Variants in MLLT3 observed in about 807,000 individuals in gnomAD.
The protein encoded by MLLT3 is protein AF-9.
Under a neutral mutation model 53.2 loss-of-function variants are expected in MLLT3, and 4 were observed. The ratio of observed to expected loss-of-function variants is 0.08; its 90% CI spans 0.04 to 0.17. The LOEUF is 0.17. Ranked by LOEUF, MLLT3 falls within the 10% of genes least tolerant of loss-of-function variation. The pLI, the probability that MLLT3 is intolerant of heterozygous loss-of-function variation, is 1.00. For synonymous variants in MLLT3, 283 were observed against 230.6 expected (o/e 1.23, Z -2.06); for missense variants, 569 against 684.0 (o/e 0.83, Z 1.87).
chr9:20,435,004 C>T (rs952109760), intron 4 of MLLT3, among the ~76,000 whole-genome samples: 1 of 152,040 alleles, frequency 6.6e-6, no homozygotes, highest in African/African-American at 2.4e-5. Context: ...CACAAAAGAT[C>T]AGCATTCTTA....
intron 2 of MLLT3, among the ~76,000 whole-genome samples, chr9:20,486,437 T>C (rs1563781984): frequency 6.6e-6 from 1 of 152,088 alleles, no homozygotes; most frequent in Non-Finnish European, 1.5e-5. Flanking sequence ...ACTGAAATGG[T>C]ACACTATCAC....
chr9:20,408,052 C>T (rs186971263), intron 5 of MLLT3, among the ~76,000 whole-genome samples: 85 of 152,246 alleles, frequency 5.6e-4, no homozygotes, highest in African/African-American at 1.9e-3. Flanking sequence ...AGAAGGCTCA[C>T]AGAATTTATT....
At chr9:20,423,002 T>C (rs1206027668) in intron 4 of MLLT3, among the ~76,000 whole-genome samples, 1 of 152,208 alleles carries the variant, frequency 6.6e-6, no homozygotes, top group Non-Finnish European at 1.5e-5. Flanking sequence ...CGAATATCAA[T>C]GTGCCCAAAG....
At chr9:20,557,034 A>G (rs181165274) in intron 2 of MLLT3, among the ~76,000 whole-genome samples, 6 of 152,232 alleles carry the variant, frequency 3.9e-5, no homozygotes, top group Non-Finnish European at 7.4e-5. Flanking sequence ...AACGCAACCT[A>G]CTGTTCCAGT....
At chr9:20,368,916 G>C (rs1312670406) in intron 5 of MLLT3, among the ~76,000 whole-genome samples, 1 of 152,160 alleles carries the variant, frequency 6.6e-6, no homozygotes, top group Non-Finnish European at 1.5e-5. Context: ...TTAGTAGTCA[G>C]GACAGAACAA....
intron 2 of MLLT3, among the ~76,000 whole-genome samples, chr9:20,602,564 C>T (rs1346052631): frequency 6.6e-6 from 1 of 152,112 alleles, no homozygotes; most frequent in African/African-American, 2.4e-5. Context: ...CCATATAGTA[C>T]ACGCATGTGC....
chr9:20,445,440 A>G (rs1458279152), intron 4 of MLLT3, among the ~76,000 whole-genome samples: 1 of 152,090 alleles, frequency 6.6e-6, no homozygotes, highest in Non-Finnish European at 1.5e-5. Context: ...AATGTTATTG[A>G]CCCCTCTCCC....
intron 5 of MLLT3, among the ~76,000 whole-genome samples, chr9:20,375,509 T>A (rs1821738808): frequency 6.6e-6 from 1 of 151,948 alleles, no homozygotes; most frequent in African/African-American, 2.4e-5. Context: ...CCAGCGGAGT[T>A]AATGTGTCTG....
rs1026064751 is a variant in MLLT3, at chr9:20,469,480, A to C, written c.194-12694T>G. 1.1e-4 allele frequency among the ~76,000 whole-genome samples: 17 copies of C among 152,084 alleles called. 1 individual carries two copies. Among genetic ancestry groups the C allele is most frequent in the Non-Finnish European group, 1.5e-5 (1 of 67,994 alleles). ...GAATGCACCCTGCCACTATGCAGTC[A>C]ATCTTAATAGTATTCCAGAACAGCG... On this transcript the variant is annotated intron_variant, in intron 2 of 10. Transcript: ENST00000380338.
At chr9:20,374,475 G>A (rs1353983651) in intron 5 of MLLT3, among the ~76,000 whole-genome samples, 2 of 151,992 alleles carry the variant, frequency 1.3e-5, no homozygotes, top group East Asian at 3.8e-4. Flanking sequence ...CCCATTAATG[G>A]GTAAAATATT....
chr9:20,442,402 T>TATCC (rs1823577494), intron 4 of MLLT3, among the ~76,000 whole-genome samples: 1 of 152,214 alleles, frequency 6.6e-6, no homozygotes, highest in Non-Finnish European at 1.5e-5. Context: ...CACAAAGAAC[T>TATCC]ATGTATGAGT....
At position 20,343,979 on chromosome 9, in the gene MLLT3, C is replaced by A. The variant is rs75589805; in HGVS notation, c.*2464G>T. The A allele has an allele frequency of 4.9e-6, 1 of 202,482 alleles. No homozygotes were observed. Among genetic ancestry groups the A allele is most frequent in the East Asian group, 7.7e-5 (1 of 13,042 alleles). 12.5% of individuals were successfully genotyped at this position (202,482 alleles called of 1,614,324 possible). A position where few individuals can be genotyped will look rare whatever the true frequency, so the allele number is the denominator to read the frequency against. On this transcript the variant is annotated 3_prime_UTR_variant, in exon 11 of 11. Coordinates refer to ENST00000380338, the MANE Select transcript of MLLT3 (RefSeq NM_004529.4). ...AAGATTACCACTTCAAAAAAAATAACGTAACTCTCAGTCTTAATTTTGTGA... is the reference window on the plus strand; with the variant it reads ...AAGATTACCACTTCAAAAAAAATAAAGTAACTCTCAGTCTTAATTTTGTGA...
chr9:20,418,489 T>C (rs1396942529), intron 4 of MLLT3: 2 of 152,254 alleles, frequency 1.3e-5, no homozygotes, highest in Non-Finnish European at 2.9e-5. Context: ...CATTTACGTC[T>C]CTTGAACTAG....
intron 2 of MLLT3, among the ~76,000 whole-genome samples, chr9:20,521,992 G>C (rs1438921038): frequency 7.2e-6 from 1 of 139,674 alleles, no homozygotes; most frequent in Non-Finnish European, 1.5e-5. Context: ...TTATAATTAA[G>C]TTTTGACTGT....
At chr9:20,356,948 T>C (rs1821185608) in intron 8 of MLLT3, among the ~76,000 whole-genome samples, 1 of 152,240 alleles carries the variant, frequency 6.6e-6, no homozygotes, top group Admixed American at 6.5e-5. Context: ...GCTCAGTTAA[T>C]CTTCCTTCTT....
chr9:20,443,340 T>C (rs996401659), intron 4 of MLLT3, among the ~76,000 whole-genome samples: 3 of 152,204 alleles, frequency 2.0e-5, no homozygotes, highest in Non-Finnish European at 4.4e-5. Context: ...ACTACCTTGC[T>C]GGTCATATAT....
At chr9:20,433,574 AT>A (rs1311028193) in intron 4 of MLLT3, among the ~76,000 whole-genome samples, 10 of 152,296 alleles carry the variant, frequency 6.6e-5, no homozygotes, top group Non-Finnish European at 1.5e-4. Flanking sequence ...GGAAATCAGG[AT>A]CATGTGATGT....
At chr9:20,353,691 G>A in intron 9 of MLLT3, 95 bp from the exon 10 acceptor site, 1 of 1,090,092 alleles carries the variant, frequency 9.2e-7, no homozygotes. Flanking sequence ...GGCAGCAGCA[G>A]CTGGAGGTTT....
chr9:20,436,753 T>C (rs1823417082), intron 4 of MLLT3, among the ~76,000 whole-genome samples: 1 of 152,192 alleles, frequency 6.6e-6, no homozygotes, highest in African/African-American at 2.4e-5. Flanking sequence ...GACCTTGACC[T>C]ATTATATCAA....
Sources: allele counts gnomAD v4.1 joint callset (sites outside exome capture counted in the v4.1 genomes callset), GRCh38; gene constraint gnomAD v4.1.1; transcripts MANE v1.5; gene names NCBI Gene and HGNC (gene_info 2026-07-23, HGNC 2026-07-21).